The following EYS variants were observed in gnomAD, a reference collection of about 807,000 sequenced individuals.
The protein encoded by EYS is protein eyes shut homolog.
EYS carries 250 observed loss-of-function variants against 282.1 expected under a neutral mutation model. That is an observed-to-expected ratio of 0.89 (90% CI 0.80 to 0.98). EYS has a LOEUF of 0.98. Ranked by LOEUF, EYS falls within the 50% of genes least tolerant of loss-of-function variation. The pLI is 0.00. For synonymous variants in EYS, 1,355 were observed against 1,282.9 expected, an observed-to-expected ratio of 1.06 and a Z score of -1.20; for missense variants, 4,016 against 3,709.0, an observed-to-expected ratio of 1.08 and a Z score of -2.15.
chr6:65,392,563 A>G (rs1021613840), intron 7 of EYS, among the ~76,000 whole-genome samples: 1 of 152,226 alleles, frequency 6.6e-6, no homozygotes, highest in Admixed American at 6.5e-5. Context: ...CAAAAGACAC[A>G]TGAAAAAATG....
chr6:64,452,032 T>C (rs1562003196), intron 26 of EYS, among the ~76,000 whole-genome samples: 1 of 152,068 alleles, frequency 6.6e-6, no homozygotes, highest in Admixed American at 6.6e-5. Context: ...GAGAAGGAAA[T>C]AAAGGGCATT....
At chr6:63,968,223 C>T (rs951978496) in intron 35 of EYS, among the ~76,000 whole-genome samples, 1 of 152,076 alleles carries the variant, frequency 6.6e-6, no homozygotes, top group East Asian at 1.9e-4. Flanking sequence ...GTGAAAAAGA[C>T]TAAGATATCA....
intron 13 of EYS, among the ~76,000 whole-genome samples, chr6:65,046,452 T>C (rs1773104088): frequency 6.6e-6 from 1 of 151,888 alleles, no homozygotes; most frequent in Admixed American, 6.6e-5. Flanking sequence ...CTTATTATTA[T>C]TATGATTCTA....
At chr6:64,675,428 C>CTTTTTTTTTTTTTTTTTTTTTT (rs56346431) in intron 22 of EYS, among the ~76,000 whole-genome samples, 4 of 114,626 alleles carry the variant, frequency 3.5e-5, no homozygotes, top group African/African-American at 6.8e-5. Flanking sequence ...CTTTTTTTTT[C>CTTTTTTTTTTTTTTTTTTTTTT]TTTTTTTTTT....
intron 8 of EYS, among the ~76,000 whole-genome samples, chr6:65,371,729 CTCTCTCTCTCTCTGTGTG>C (rs762296092): frequency 4.0e-4 from 24 of 59,644 alleles, no homozygotes; most frequent in South Asian, 7.4e-4. Flanking sequence ...CTCTCTCTCT[CTCTCTCTCTCTCTGTGTG>C]TGTGTGTGTG....
chr6:65,013,619 T>C (rs1002066996), intron 13 of EYS, among the ~76,000 whole-genome samples: 3 of 152,164 alleles, frequency 2.0e-5, no homozygotes, highest in Non-Finnish European at 4.4e-5. Context: ...CTCACAACTG[T>C]ATTCCCAGGA....
Position 64,979,197 on chromosome 6 carries a change from G to A in EYS, c.2259+18385C>T, listed in dbSNP as rs371575021. Among the ~76,000 whole-genome samples, 129 of 151,792 alleles carry A rather than the reference G, an allele frequency of 8.5e-4. 1 individual carries two copies. The highest frequency in any genetic ancestry group is 1.0e-3 in the South Asian group (5 of 4,822). On this transcript the variant is annotated intron_variant, in intron 14 of 42. Transcript: ENST00000503581. ...TATGACTCGCTTTATTGCTATATTC[G>A]CTTTATTGCAGTAGACTAGAATCAA... is the stretch of plus-strand genomic sequence containing the variant.
intron 27 of EYS, among the ~76,000 whole-genome samples, chr6:64,437,044 A>C (rs569986711): frequency 6.6e-6 from 1 of 151,836 alleles, no homozygotes; most frequent in Admixed American, 6.6e-5. Flanking sequence ...GATATACCCA[A>C]ATCCTCTCAC....
intron 2 of EYS, among the ~76,000 whole-genome samples, chr6:65,628,456 AC>A (rs1016070088): frequency 2.0e-5 from 3 of 152,048 alleles, no homozygotes; most frequent in Non-Finnish European, 2.9e-5. Context: ...AGCAATGGCA[AC>A]CCCCTGGGGT....
intron 36 of EYS, among the ~76,000 whole-genome samples, chr6:63,860,246 T>C (rs1198516934): frequency 6.6e-6 from 1 of 152,204 alleles, no homozygotes; most frequent in African/African-American, 2.4e-5. Flanking sequence ...AAAAGGTTTC[T>C]GGAGGGAGCT....
rs145993815 is a variant in EYS, at chr6:64,431,424, A to C, written c.5927+4750T>G. Among the ~76,000 whole-genome samples the C allele has an allele frequency of 2.2e-3, 342 of 152,268 alleles. 2 individuals carry two copies. The highest frequency in any genetic ancestry group is 7.9e-3 in the African/African-American group (329 of 41,548). ...CTGAGGGTTAACACTTCAATGCATA[A>C]ATTTTGTGAAAACCCAATTTAATCC... On this transcript the variant is annotated intron_variant, in intron 28 of 42. Transcript: ENST00000503581.
chr6:64,740,030 G>A (rs1772318348), intron 22 of EYS, among the ~76,000 whole-genome samples: 5 of 151,992 alleles, frequency 3.3e-5, no homozygotes, highest in Admixed American at 2.6e-4. Flanking sequence ...AAATCTGGTG[G>A]GGGGTGTATT....
intron 14 of EYS, among the ~76,000 whole-genome samples, chr6:64,953,969 T>G (rs1001420200): frequency 2.6e-5 from 4 of 151,136 alleles, no homozygotes; most frequent in Non-Finnish European, 4.4e-5. Context: ...TCTAAGAAAC[T>G]TAGTCATTGT....
At chr6:65,468,295 T>G (rs1317082563) in intron 5 of EYS, among the ~76,000 whole-genome samples, 1 of 152,242 alleles carries the variant, frequency 6.6e-6, no homozygotes, top group East Asian at 1.9e-4. Context: ...CAAAGCCTTC[T>G]TCTCATGCTT....
chr6:64,402,094 G>A (rs554503517), intron 28 of EYS, among the ~76,000 whole-genome samples: 1 of 152,112 alleles, frequency 6.6e-6, no homozygotes, highest in African/African-American at 2.4e-5. Context: ...ACTTGCCAAG[G>A]TTTTTATTTT....
chr6:65,691,992 T>G (rs1409503572), intron 1 of EYS, among the ~76,000 whole-genome samples: 3 of 150,130 alleles, frequency 2.0e-5, no homozygotes, highest in African/African-American at 4.9e-5. Context: ...ATTGCAGCAC[T>G]TCTCACAATA....
chr6:64,465,727 A>C (rs1190219568), intron 26 of EYS, among the ~76,000 whole-genome samples: 1 of 132,320 alleles, frequency 7.6e-6, no homozygotes, highest in Non-Finnish European at 1.6e-5. Context: ...CATAGGCCAA[A>C]AAAGTAAAAA....
At chr6:64,223,132 C>T (rs534694123) in intron 31 of EYS, among the ~76,000 whole-genome samples, 1 of 151,894 alleles carries the variant, frequency 6.6e-6, no homozygotes, top group Non-Finnish European at 1.5e-5. Context: ...TGCACCCCGT[C>T]CTGGAACCAT....
In EYS at chr6:64,929,673, A is replaced by G. The variant is rs996063699; in HGVS notation, c.2381+16120T>C. On this transcript the variant is annotated intron_variant, in intron 15 of 42. Transcript: ENST00000503581. ...ACTCCTTTTTGATAAAATTTGAACT[A>G]CATGAGGTTCCAACTTTTCCAGTGA... Among the ~76,000 whole-genome samples the G allele has an allele frequency of 4.6e-5, 7 of 152,310 alleles. No homozygotes were observed. In the South Asian group the frequency reaches 1.4e-3, roughly 32 times the overall value.
Sources: gnomAD v4.1 joint callset for allele counts (sites outside exome capture counted in the v4.1 genomes callset) on GRCh38, gnomAD v4.1.1 for gene constraint, MANE v1.5 for transcripts, NCBI Gene and HGNC (gene_info 2026-07-23, HGNC 2026-07-21) for gene names.